ROBO2: variants seen among roughly 807,000 people sequenced by gnomAD.
ROBO2 encodes the protein roundabout homolog 2.
In ROBO2, 53 loss-of-function variants were observed where a neutral mutation model predicts 160.8. The ratio of observed to expected loss-of-function variants is 0.33; its 90% CI spans 0.26 to 0.41. The LOEUF is 0.41. ROBO2 is among the 10% of genes least tolerant of loss of function. ROBO2 has a pLI of 1.00. For missense variants in ROBO2, 1,577 were observed against 1,722.4 expected (o/e 0.92, Z 1.49); for synonymous variants, 664 against 611.7 (o/e 1.09, Z -1.26).
chr3:77,380,266 A>G (rs958204943), intron 2 of ROBO2, among the ~76,000 whole-genome samples: 4 of 152,220 alleles, frequency 2.6e-5, no homozygotes, highest in Non-Finnish European at 5.9e-5. Context: ...TGGAAGATGA[A>G]ACACACTAGC....
intron 2 of ROBO2, among the ~76,000 whole-genome samples, chr3:76,251,079 C>T (rs1055679567): frequency 2.0e-5 from 3 of 151,932 alleles, no homozygotes; most frequent in Non-Finnish European, 2.9e-5. Flanking sequence ...ACTGAAGAAA[C>T]GCATTCTTAT....
intron 2 of ROBO2, among the ~76,000 whole-genome samples, chr3:76,790,873 C>T (rs578003336): frequency 6.6e-6 from 1 of 151,816 alleles, no homozygotes; most frequent in Admixed American, 6.6e-5. Context: ...AGCCCTATCA[C>T]TTACTACTTG....
intron 2 of ROBO2, among the ~76,000 whole-genome samples, chr3:76,693,741 T>C (rs1337738804): frequency 6.6e-6 from 1 of 152,062 alleles, no homozygotes; most frequent in Non-Finnish European, 1.5e-5. Context: ...AGTCTGAAGG[T>C]CAAAGAACCT....
At chr3:77,417,366 A>G (rs1433298486) in intron 2 of ROBO2, among the ~76,000 whole-genome samples, 1 of 152,074 alleles carries the variant, frequency 6.6e-6, no homozygotes, top group Non-Finnish European at 1.5e-5. Context: ...GTTTAGAAGG[A>G]TGGTTAGGAG....
chr3:77,526,661 C>T (rs1241822974), intron 6 of ROBO2, among the ~76,000 whole-genome samples: 1 of 151,448 alleles, frequency 6.6e-6, no homozygotes, highest in Non-Finnish European at 1.5e-5. Context: ...CAGCCTATTA[C>T]CACTGATTTT....
chr3:77,063,437 G>A (rs1578646890), intron 1 of ROBO2, among the ~76,000 whole-genome samples: 1 of 152,254 alleles, frequency 6.6e-6, no homozygotes, highest in African/African-American at 2.4e-5. Flanking sequence ...AGATAATTAG[G>A]AGTTTCACCA....
chr3:76,701,848 T>TA (rs34039752), intron 2 of ROBO2, among the ~76,000 whole-genome samples: 90 of 143,380 alleles, frequency 6.3e-4, no homozygotes, highest in South Asian at 1.3e-3. Context: ...TGTAGCAGTC[T>TA]AAAAAAAAAA....
chr3:76,384,289 A>G (rs1488917748), intron 2 of ROBO2, among the ~76,000 whole-genome samples: 1 of 152,170 alleles, frequency 6.6e-6, no homozygotes, highest in Non-Finnish European at 1.5e-5. Flanking sequence ...TTTATTCTCA[A>G]TAAGTAGCTT....
chr3:76,331,927 G>A (rs1286940600), intron 2 of ROBO2, among the ~76,000 whole-genome samples: 5 of 151,910 alleles, frequency 3.3e-5, no homozygotes, highest in Non-Finnish European at 5.9e-5. Flanking sequence ...CAGGTGATCC[G>A]CCCAGCTCGA....
intron 2 of ROBO2, among the ~76,000 whole-genome samples, chr3:77,312,013 G>A (rs928786424): frequency 3.9e-5 from 6 of 152,014 alleles, no homozygotes; most frequent in African/African-American, 1.4e-4. Flanking sequence ...TTGAACCTGG[G>A]AGGCGGAGGT....
chr3:77,093,031 A>G (rs1166578515), intron 1 of ROBO2, among the ~76,000 whole-genome samples: 1 of 152,020 alleles, frequency 6.6e-6, no homozygotes, highest in Non-Finnish European at 1.5e-5. Context: ...CTTTGTTACC[A>G]CTTCCTCCTC....
intron 2 of ROBO2, among the ~76,000 whole-genome samples, chr3:76,781,598 T>C (rs1388454763): frequency 1.3e-5 from 2 of 150,866 alleles, no homozygotes; most frequent in African/African-American, 2.4e-5. Context: ...GTTTTAATCA[T>C]GAAAATGTGT....
chr3:76,481,494 T>C (rs974124851), intron 2 of ROBO2, among the ~76,000 whole-genome samples: 5 of 152,172 alleles, frequency 3.3e-5, no homozygotes, highest in Middle Eastern at 3.2e-3. Context: ...TGTGTCTTGA[T>C]ATAATTTACT....
At position 76,910,192 on chromosome 3, in the gene ROBO2, T is replaced by C. The variant is rs554561034; in HGVS notation, c.110-187822T>C. Among the ~76,000 whole-genome samples, 11 of 152,316 alleles carry C rather than the reference T, an allele frequency of 7.2e-5. No individual in the cohort carries two copies. The East Asian group carries it at 2.1e-3, about 29-fold the overall frequency. On this transcript the variant is annotated intron_variant, in intron 2 of 26. Transcript: ENST00000487694. ...CATTATTTCAGTGCCTTACTCAAGA[T>C]GTTTTGATTGGGACACTGTTCAAAA...
At chr3:76,654,449 A>G (rs923154349) in intron 2 of ROBO2, among the ~76,000 whole-genome samples, 2 of 152,216 alleles carry the variant, frequency 1.3e-5, no homozygotes, top group Non-Finnish European at 2.9e-5. Flanking sequence ...ATTACAGAAC[A>G]TGTTTTAATC....
intron 2 of ROBO2, among the ~76,000 whole-genome samples, chr3:76,567,620 GATATATATATATAT>G (rs1201854439): frequency 9.0e-5 from 3 of 33,272 alleles, no homozygotes; most frequent in Admixed American, 9.9e-4. Flanking sequence ...CCAAACTACT[GATATATATATATAT>G]ATATATATAT....
intron 2 of ROBO2, among the ~76,000 whole-genome samples, chr3:76,992,079 T>G (rs906146488): frequency 5.3e-5 from 8 of 151,964 alleles, no homozygotes; most frequent in African/African-American, 1.9e-4. Flanking sequence ...AACATAGACC[T>G]TGTTCCAAGA....
rs2093178434 is a variant in ROBO2, at chr3:76,707,060, ATAT to A, written c.110-390952_110-390950del. Among the ~76,000 whole-genome samples, 4 of 152,052 alleles carry A rather than the reference ATAT, an allele frequency of 2.6e-5. No homozygotes were observed. In the South Asian group the frequency reaches 8.3e-4, roughly 31 times the overall value. On this transcript the variant is annotated intron_variant, in intron 2 of 26. Transcript: ENST00000487694. Reference sequence around the variant, plus strand: ...AATGTGTGTATGCATGTATATATACATATTTTCTGTGTGTGTATATATAGTGTA... The same window carrying A: ...AATGTGTGTATGCATGTATATATACATTTCTGTGTGTGTATATATAGTGTA...
intron 2 of ROBO2, among the ~76,000 whole-genome samples, chr3:75,991,975 T>C (rs1365575417): frequency 6.6e-6 from 1 of 152,158 alleles, no homozygotes; most frequent in Non-Finnish European, 1.5e-5. Flanking sequence ...TTAGAGTATC[T>C]GGTGGAAGAA....
Sources: allele counts gnomAD v4.1 joint callset (sites outside exome capture counted in the v4.1 genomes callset), GRCh38; gene constraint gnomAD v4.1.1; transcripts MANE v1.5; gene names NCBI Gene and HGNC (gene_info 2026-07-23, HGNC 2026-07-21).